The following TMEM232 variants were observed in gnomAD, a reference collection of about 807,000 sequenced individuals.
TMEM232 encodes the protein transmembrane protein 232.
Under a neutral mutation model 78.8 loss-of-function variants are expected in TMEM232, and 80 were observed. The ratio of observed to expected loss-of-function variants is 1.01; its 90% CI spans 0.85 to 1.22. TMEM232 has a LOEUF of 1.22. TMEM232 is among the 50% of genes most tolerant of loss of function. The pLI is 0.00. For missense variants in TMEM232, 881 were observed against 742.2 expected, an observed-to-expected ratio of 1.19 and a Z score of -2.17; for synonymous variants, 297 against 254.3, an observed-to-expected ratio of 1.17 and a Z score of -1.60.
chr5:110,440,607 T>C (rs1348400425), intron 12 of TMEM232, among the ~76,000 whole-genome samples: 2 of 152,130 alleles, frequency 1.3e-5, no homozygotes, highest in African/African-American at 2.4e-5. Flanking sequence ...ACTACTCAAT[T>C]TGAAGAAGAG....
chr5:110,558,201 A>T lies in TMEM232; in HGVS notation c.1455+10246T>A, dbSNP rs141372475. Among the ~76,000 whole-genome samples, 998 of 152,214 alleles carry T rather than the reference A, an allele frequency of 6.6e-3. 20 individuals are homozygous for T. Among genetic ancestry groups the T allele is most frequent in the African/African-American group, 0.022 (923 of 41,532 alleles). ...AGTGTTTCTGGTTTGGTCTGCTGGCAACATCATTCTGATGGGGTATGCCAG... is the reference window on the plus strand; with the variant it reads ...AGTGTTTCTGGTTTGGTCTGCTGGCTACATCATTCTGATGGGGTATGCCAG... On this transcript the variant is annotated intron_variant, in intron 11 of 13. Transcript: ENST00000455884.
intron 12 of TMEM232, among the ~76,000 whole-genome samples, chr5:110,527,093 G>A (rs1770715124): frequency 6.6e-6 from 1 of 151,874 alleles, no homozygotes; most frequent in African/African-American, 2.4e-5. Context: ...CGAGGATAGG[G>A]AGGGATGGGG....
intron 2 of TMEM232, among the ~76,000 whole-genome samples, chr5:110,658,332 A>G (rs1201722008): frequency 6.6e-6 from 1 of 152,090 alleles, no homozygotes; most frequent in East Asian, 1.9e-4. Flanking sequence ...ACGGTTTTAT[A>G]TGTTCTTTTA....
intron 1 of TMEM232, among the ~76,000 whole-genome samples, chr5:110,685,630 C>A (rs144475781): frequency 6.6e-6 from 1 of 152,188 alleles, no homozygotes; most frequent in African/African-American, 2.4e-5. Context: ...TACACCTACA[C>A]CCTGACCTAG....
chr5:110,391,359 G>A (rs923896554), intron 3 of TMEM232, among the ~76,000 whole-genome samples: 2 of 146,544 alleles, frequency 1.4e-5, no homozygotes, highest in South Asian at 4.4e-4. Flanking sequence ...AACCTCTGTG[G>A]GACATATCCA....
chr5:110,664,557 G>A (rs771730988), intron 2 of TMEM232, among the ~76,000 whole-genome samples: 1 of 152,154 alleles, frequency 6.6e-6, no homozygotes, highest in South Asian at 2.1e-4. Flanking sequence ...GGAAACAAAC[G>A]TAACAATATG....
rs151183020 is a variant in TMEM232 at position 110,677,927 on chromosome 5, A to G, written c.-12-10563T>C. Among the ~76,000 whole-genome samples the G allele has an allele frequency of 1.3e-4, 20 of 152,350 alleles. No individual in the cohort carries two copies. In the East Asian group the frequency reaches 3.9e-3, roughly 29 times the overall value. ...TACGTTAGTTCATGCAAAGAATACT[A>G]TTGAAATTCAATCCAAATTGGATAA... On this transcript the variant is annotated intron_variant, in intron 1 of 13. Transcript: ENST00000455884.
intron 10 of TMEM232, among the ~76,000 whole-genome samples, chr5:110,582,118 A>C (rs771965340): frequency 2.0e-5 from 3 of 151,990 alleles, no homozygotes; most frequent in Non-Finnish European, 2.9e-5. Context: ...CAAAGTTCTT[A>C]AAACAGAACT....
intron 11 of TMEM232, among the ~76,000 whole-genome samples, chr5:110,556,350 C>G (rs1775081676): frequency 6.6e-6 from 1 of 150,492 alleles, no homozygotes; most frequent in Non-Finnish European, 1.5e-5. Flanking sequence ...CCTCCCTTCC[C>G]TTCCCTTCCC....
intron 12 of TMEM232, among the ~76,000 whole-genome samples, chr5:110,448,211 A>AT (rs1759876583): frequency 6.6e-6 from 1 of 152,076 alleles, no homozygotes; most frequent in Non-Finnish European, 1.5e-5. Flanking sequence ...GAAATAATTA[A>AT]TTTTTGCTCC....
intron 12 of TMEM232, among the ~76,000 whole-genome samples, chr5:110,455,195 A>G (rs542260032): frequency 6.6e-6 from 1 of 152,182 alleles, no homozygotes. Flanking sequence ...AAGCACAATG[A>G]ATATAACAAT....
chr5:110,632,339 A>G (rs1471816565), intron 5 of TMEM232, among the ~76,000 whole-genome samples: 1 of 138,370 alleles, frequency 7.2e-6, no homozygotes, highest in Non-Finnish European at 1.5e-5. Context: ...AGGAAACATG[A>G]AAAAAAAACA....
intron 5 of TMEM232, among the ~76,000 whole-genome samples, chr5:110,633,623 C>T (rs1227837535): frequency 6.6e-6 from 1 of 152,150 alleles, no homozygotes; most frequent in African/African-American, 2.4e-5. Context: ...ACCCTTTGCT[C>T]TCTCTTTCCT....
At chr5:110,530,210 G>A (rs1479394560) in intron 11 of TMEM232, among the ~76,000 whole-genome samples, 2 of 152,086 alleles carry the variant, frequency 1.3e-5, no homozygotes, top group Admixed American at 6.6e-5. Context: ...TAGACTGAAC[G>A]AAAAACAGTT....
chr5:110,591,538 T>C (rs1387568984), intron 10 of TMEM232, among the ~76,000 whole-genome samples: 1 of 152,186 alleles, frequency 6.6e-6, no homozygotes, highest in Non-Finnish European at 1.5e-5. Flanking sequence ...TTAACCACCA[T>C]AACATCTATT....
At chr5:110,403,667 T>G (rs1205134063) in intron 2 of TMEM232, among the ~76,000 whole-genome samples, 1 of 152,066 alleles carries the variant, frequency 6.6e-6, no homozygotes, top group African/African-American at 2.4e-5. Flanking sequence ...TTTGGGCTGA[T>G]TAAGTCAAAA....
chr5:110,605,700 A>T (rs1349294348), intron 9 of TMEM232, among the ~76,000 whole-genome samples: 6 of 152,156 alleles, frequency 3.9e-5, no homozygotes, highest in Non-Finnish European at 5.9e-5. Context: ...TATTGTTCAT[A>T]GGAATCCAAG....
intron 8 of TMEM232, among the ~76,000 whole-genome samples, chr5:110,611,866 G>A (rs1346058813): frequency 6.6e-6 from 1 of 152,078 alleles, no homozygotes; most frequent in Non-Finnish European, 1.5e-5. Flanking sequence ...CAGAGAGCAG[G>A]GGAACAGTTT....
intron 12 of TMEM232, among the ~76,000 whole-genome samples, chr5:110,448,352 G>A (rs1317597058): frequency 1.3e-5 from 2 of 152,008 alleles, no homozygotes; most frequent in Non-Finnish European, 2.9e-5. Context: ...AAAAGAGAAT[G>A]AGAATAACAA....
Sources: allele counts gnomAD v4.1 joint callset (sites outside exome capture counted in the v4.1 genomes callset), GRCh38; gene constraint gnomAD v4.1.1; transcripts MANE v1.5; gene names NCBI Gene and HGNC (gene_info 2026-07-23, HGNC 2026-07-21).